ZNRF4: variants seen among roughly 807,000 people sequenced by gnomAD.
ZNRF4 encodes the protein E3 ubiquitin-protein ligase ZNRF4.
For missense variants in ZNRF4, 569 were observed against 609.4 expected (o/e 0.93, Z 0.70); for synonymous variants, 291 against 285.9 (o/e 1.02, Z -0.18).
Position 5,455,453 on chromosome 19 carries a change from G to A in ZNRF4, c.-39G>A, listed in dbSNP as rs766687006. The stretch of plus-strand genomic sequence containing the variant: ...GTCATCTGCCAGAAAGGCCACCTGC[G>A]CCAGCACCTCCTGAGACCGGCCTTC... On this transcript the variant is annotated 5_prime_UTR_variant, in exon 1 of 1. Coordinates refer to ENST00000222033, the MANE Select transcript of ZNRF4 (RefSeq NM_181710.4). The A allele has an allele frequency of 1.4e-5, 22 of 1,551,696 alleles. 1 individual carries two copies. The highest frequency in any genetic ancestry group is 1.1e-4 in the East Asian group (5 of 44,330).
chr19:5,455,722 C>A lies in ZNRF4; in HGVS notation c.231C>A (p.Gly77=), dbSNP rs2051610837. 3 of 1,606,796 alleles carry A rather than the reference C, an allele frequency of 1.9e-6. No individual in the cohort carries two copies. The East Asian group carries it at 6.7e-5, about 36-fold the overall frequency. ...KRVTMGWPRP[G]RALVAVKALL... ...TGACCATGGGGTGGCCACGGCCGGG[C>A]CGAGCCCTCGTGGCAGTCAAAGCCT... The change falls in exon 1 of 1, where the codon GGC becomes GGA. Residue 77 remains glycine, a synonymous_variant. Coordinates refer to ENST00000222033, the MANE Select transcript of ZNRF4 (RefSeq NM_181710.4).
rs375127837 is a variant in ZNRF4, at chr19:5,455,505, G to A, written c.14G>A (p.Arg5His). 1.5e-5 allele frequency: 24 copies of A among 1,608,466 alleles called. No homozygotes were observed. The highest frequency in any genetic ancestry group is 1.2e-4 in the African/African-American group (9 of 75,016). The change falls in exon 1 of 1, where the codon CGT becomes CAT. Residue 5 changes from arginine (R) to histidine (H), a missense_variant. By Grantham distance (29) the Arg-to-His change is conservative. Transcript: ENST00000222033. MPLC[R>H]PEHLMPRASR... ...AAGACACGACGCATGCCGCTCTGCC[G>A]TCCGGAGCACTTAATGCCTAGAGCC...
At position 5,455,829 on chromosome 19, in the gene ZNRF4, T is replaced by C. The variant is rs775630887; in HGVS notation, c.338T>C (p.Phe113Ser). 5.6e-6 allele frequency: 9 copies of C among 1,604,164 alleles called. No homozygotes were observed. Among genetic ancestry groups the C allele is most frequent in the East Asian group, 4.5e-5 (2 of 44,856 alleles). Residue 113 changes from phenylalanine (F) to serine (S), a missense_variant, in exon 1 of 1, where the codon TTT becomes TCT. Phe to Ser is a radical substitution (Grantham distance 155). Transcript: ENST00000222033. ...VLEDNSSSVD[F>S]ADLPALFGVP... ...GAAGACAACTCGAGCTCGGTGGACT[T>C]TGCGGATCTGCCGGCGCTGTTCGGC...
In ZNRF4 at chr19:5,455,928, A is replaced by G. The variant is rs368497721; in HGVS notation, c.437A>G (p.Glu146Gly). 4.4e-5 allele frequency: 70 copies of G among 1,600,924 alleles called. No homozygotes were observed. The African/African-American group carries it at 8.1e-4, about 19-fold the overall frequency. The change falls in exon 1 of 1, where the codon GAG becomes GGG. Residue 146 changes from glutamate (E) to glycine (G), a missense_variant. Coordinates refer to ENST00000222033, the MANE Select transcript of ZNRF4 (RefSeq NM_181710.4). ...CCAGCCAACGCGTGCCATCCCATCG[A>G]GGCCCCGCGACTGGGCAACCGCTCT... ...VKPANACHPIEAPRLGNRSLG... is the reference protein window; with the variant it reads ...VKPANACHPIGAPRLGNRSLG...
chr19:5,456,737 T>C lies in ZNRF4; in HGVS notation c.1246T>C (p.Tyr416His). 6.3e-7 allele frequency: 1 copy of C among 1,593,796 alleles called. No homozygotes were observed. Residue 416 changes from tyrosine (Y) to histidine (H), a missense_variant, in exon 1 of 1, where the codon TAT becomes CAT. Transcript: ENST00000222033. ...HCSTTSLEAEYTTVSSAPPEA... is the reference protein window; with the variant it reads ...HCSTTSLEAEHTTVSSAPPEA... ...CAGCACCACGTCCCTGGAGGCAGAG[T>C]ATACCACTGTCTCCTCAGCCCCTCC...
rs754163190 is a variant in ZNRF4 at position 5,455,548 on chromosome 19, C to T, written c.57C>T (p.Ala19=). The T allele has an allele frequency of 6.8e-6, 11 of 1,612,744 alleles. No homozygotes were observed. Among genetic ancestry groups the T allele is most frequent in the Non-Finnish European group, 9.3e-6 (11 of 1,179,976 alleles). ...CTAGAGCCAGCAGGGTCCCAGTGGCCGCGTCACTGCCTCTGAGCCACGCGG... is the reference window on the plus strand; with the variant it reads ...CTAGAGCCAGCAGGGTCCCAGTGGCTGCGTCACTGCCTCTGAGCCACGCGG... ...LMPRASRVPV[A]ASLPLSHAVI... is the part of the protein sequence containing the mutation. Residue 19 remains alanine (A), a synonymous_variant, in exon 1 of 1, where the codon GCC becomes GCT. Transcript: ENST00000222033.
rs201511283 is a variant in ZNRF4, at chr19:5,455,688, C to T, written c.197C>T (p.Ala66Val). The change falls in exon 1 of 1, where the codon GCG becomes GTG. Residue 66 changes from alanine to valine, a missense_variant. Transcript: ENST00000222033. Reference protein sequence around the residue: ...PPVGPSSTQTAKRVTMGWPRP... With the variant: ...PPVGPSSTQTVKRVTMGWPRP... ...GTGGGACCTAGCAGCACACAGACAG[C>T]GAAGCGGGTGACCATGGGGTGGCCA... 81 of 1,609,048 alleles carry T rather than the reference C, an allele frequency of 5.0e-5. No individual in the cohort carries two copies. Among genetic ancestry groups the T allele is most frequent in the Middle Eastern group, 1.6e-4 (1 of 6,062 alleles).
Position 5,456,363 on chromosome 19 carries a change from C to G in ZNRF4, c.872C>G (p.Thr291Arg), listed in dbSNP as rs774500261. The G allele has an allele frequency of 3.1e-6, 5 of 1,613,460 alleles. No individual in the cohort carries two copies. In the South Asian group the frequency reaches 5.5e-5, roughly 18 times the overall value. Residue 291 changes from threonine to arginine, a missense_variant, in exon 1 of 1, where the codon ACG (threonine) becomes AGG (arginine). Physicochemically the swap from Thr to Arg is moderately conservative, Grantham distance 71. Transcript: ENST00000222033. ...TGCAGCCACAGACGGCCGGTGAAGA[C>G]GTCTACCTGCCAGAAGGCCCAGGTC... ...ACCSHRRPVK[T>R]STCQKAQVRT...
Position 5,455,624 on chromosome 19 carries a change from C to A in ZNRF4, c.133C>A (p.Pro45Thr), listed in dbSNP as rs1338567581. Reference protein sequence around the residue: ...SRPGHRPPGRPRRCPKASCLP... With the variant: ...SRPGHRPPGRTRRCPKASCLP... ...TCCTGGCCACAGGCCCCCTGGGAGA[C>A]CCCGGAGATGCCCAAAGGCCTCATG... is the stretch of plus-strand genomic sequence containing the variant. The change falls in exon 1 of 1, where the codon CCC (proline) becomes ACC (threonine). Residue 45 changes from proline (P) to threonine (T), a missense_variant. By Grantham distance (38) the Pro-to-Thr change is conservative (BLOSUM62 -1). Transcript: ENST00000222033. The A allele has an allele frequency of 6.2e-7, 1 of 1,610,840 alleles. No individual in the cohort carries two copies. Among genetic ancestry groups the A allele is most frequent in the Non-Finnish European group, 8.5e-7 (1 of 1,179,964 alleles).
In ZNRF4 at chr19:5,456,190, C is replaced by T. The variant is rs200409035; in HGVS notation, c.699C>T (p.His233=). 24 of 1,609,046 alleles carry T rather than the reference C, an allele frequency of 1.5e-5. No individual in the cohort carries two copies. Among genetic ancestry groups the T allele is most frequent in the East Asian group, 6.7e-5 (3 of 44,862 alleles). The part of the protein sequence containing the change: ...RVILGCNKSA[H]ALLLPDDPPC... ...TCCTGGGCTGCAACAAGTCGGCCCA[C>T]GCGCTGCTCCTGCCCGACGACCCAC... is the stretch of plus-strand genomic sequence containing the variant. Residue 233 remains histidine (H), a synonymous_variant, in exon 1 of 1, where the codon CAC becomes CAT. Coordinates refer to ENST00000222033, the MANE Select transcript of ZNRF4 (RefSeq NM_181710.4).
At position 5,455,619 on chromosome 19, in the gene ZNRF4, G is replaced by C; in HGVS notation, c.128G>C (p.Gly43Ala). Residue 43 changes from glycine (G) to alanine (A), a missense_variant, in exon 1 of 1, where the codon GGG (glycine) becomes GCG (alanine). Transcript: ENST00000222033. The stretch of plus-strand genomic sequence containing the variant: ...TCGCGTCCTGGCCACAGGCCCCCTG[G>C]GAGACCCCGGAGATGCCCAAAGGCC... ...LPSRPGHRPP[G>A]RPRRCPKASC... is the part of the protein sequence containing the mutation. 9 of 1,610,954 alleles carry C rather than the reference G, an allele frequency of 5.6e-6. No individual in the cohort carries two copies. Among genetic ancestry groups the C allele is most frequent in the Non-Finnish European group, 7.6e-6 (9 of 1,179,990 alleles).
In ZNRF4 at chr19:5,456,840, G is replaced by A; in HGVS notation, c.*59G>A. On this transcript the variant is annotated 3_prime_UTR_variant, in exon 1 of 1. Transcript: ENST00000222033. ...ATGTTTCTGGTCTGAAAAGAATAAAGTGGGTTTGAAAGCGGATTCTCAGCC... is the reference window on the plus strand; with the variant it reads ...ATGTTTCTGGTCTGAAAAGAATAAAATGGGTTTGAAAGCGGATTCTCAGCC... 2 of 1,452,218 alleles carry A rather than the reference G, an allele frequency of 1.4e-6. No homozygotes were observed. The highest frequency in any genetic ancestry group is 1.8e-6 in the Non-Finnish European group (2 of 1,096,248). The allele number at this position is 1,452,218 out of a possible 1,614,324, so 90.0% of individuals were successfully genotyped here.
At position 5,455,437 on chromosome 19, in the gene ZNRF4, C is replaced by T; in HGVS notation, c.-55C>T. The T allele has an allele frequency of 6.6e-7, 1 of 1,525,684 alleles. No homozygotes were observed. The highest frequency in any genetic ancestry group is 8.8e-7 in the Non-Finnish European group (1 of 1,136,162). The allele number at this position is 1,525,684 out of a possible 1,614,324, so 94.5% of individuals were successfully genotyped here. ...GACTCCTGGTCTCCATGTCATCTGC[C>T]AGAAAGGCCACCTGCGCCAGCACCT... On this transcript the variant is annotated 5_prime_UTR_variant, in exon 1 of 1. Coordinates refer to ENST00000222033, the MANE Select transcript of ZNRF4 (RefSeq NM_181710.4).
At position 5,455,601 on chromosome 19, in the gene ZNRF4, C is replaced by G. The variant is rs756035096; in HGVS notation, c.110C>G (p.Pro37Arg). The change falls in exon 1 of 1, where the codon CCT becomes CGT. Residue 37 changes from proline (P) to arginine (R), a missense_variant. Pro to Arg is a moderately radical substitution (Grantham distance 103). Coordinates refer to ENST00000222033, the MANE Select transcript of ZNRF4 (RefSeq NM_181710.4). ...AVIPTQLPSR[P>R]GHRPPGRPRR... is the part of the protein sequence containing the mutation. ...ATTCCAACTCAACTGCCCTCGCGTC[C>G]TGGCCACAGGCCCCCTGGGAGACCC... The G allele has an allele frequency of 5.6e-6, 9 of 1,611,398 alleles. No individual in the cohort carries two copies. In the East Asian group the frequency reaches 1.3e-4, roughly 24 times the overall value.
Position 5,455,796 on chromosome 19 carries a change from C to T in ZNRF4, c.305C>T (p.Ala102Val). ...LQVPAQAVVR[A>V]VLEDNSSSVD... ...GTGCCCGCGCAGGCAGTGGTACGGG[C>T]CGTGCTGGAAGACAACTCGAGCTCG... Residue 102 changes from alanine to valine, a missense_variant, in exon 1 of 1, where the codon GCC becomes GTC. Physicochemically the swap from Ala to Val is moderately conservative, Grantham distance 64 (BLOSUM62 0). Transcript: ENST00000222033. 1 of 1,603,964 alleles carries T rather than the reference C, an allele frequency of 6.2e-7. No individual in the cohort carries two copies.
Position 5,455,590 on chromosome 19 carries a change from GC to G in ZNRF4, c.102del (p.Ser35ArgfsTer35). ...GCCACGCGGTCATTCCAACTCAACT[GC>G]CCTCGCGTCCTGGCCACAGGCCCCC... is the stretch of plus-strand genomic sequence containing the variant. ...LSHAVIPTQL[P>X]SRPGHRPPGR... On this transcript the variant is annotated frameshift_variant, in exon 1 of 1. Coordinates refer to ENST00000222033, the MANE Select transcript of ZNRF4 (RefSeq NM_181710.4). LOFTEE classifies it low-confidence loss of function (END_TRUNC). The G allele has an allele frequency of 6.2e-7, 1 of 1,612,210 alleles. No homozygotes were observed.
In ZNRF4 at chr19:5,455,644, C is replaced by G. The variant is rs765324753; in HGVS notation, c.153C>G (p.Ala51=). The change falls in exon 1 of 1, where the codon GCC becomes GCG. Residue 51 remains alanine (A), a synonymous_variant. Transcript: ENST00000222033. ...GGAGACCCCGGAGATGCCCAAAGGC[C>G]TCATGCCTGCCGCCTCCAGTGGGAC... The part of the protein sequence containing the change: ...PPGRPRRCPK[A]SCLPPPVGPS... 5 of 1,610,540 alleles carry G rather than the reference C, an allele frequency of 3.1e-6. No homozygotes were observed. The highest frequency in any genetic ancestry group is 4.2e-6 in the Non-Finnish European group (5 of 1,179,982).
At position 5,455,506 on chromosome 19, in the gene ZNRF4, T is replaced by G; in HGVS notation, c.15T>G (p.Arg5=). ...AGACACGACGCATGCCGCTCTGCCGTCCGGAGCACTTAATGCCTAGAGCCA... is the reference window on the plus strand; with the variant it reads ...AGACACGACGCATGCCGCTCTGCCGGCCGGAGCACTTAATGCCTAGAGCCA... The part of the protein sequence containing the change: MPLC[R]PEHLMPRASR... Residue 5 remains arginine (R), a synonymous_variant, in exon 1 of 1, where the codon CGT becomes CGG. Coordinates refer to ENST00000222033, the MANE Select transcript of ZNRF4 (RefSeq NM_181710.4). 1 of 1,609,374 alleles carries G rather than the reference T, an allele frequency of 6.2e-7. No homozygotes were observed. The highest frequency in any genetic ancestry group is 8.5e-7 in the Non-Finnish European group (1 of 1,178,098).
In ZNRF4 at chr19:5,455,539, C is replaced by A. The variant is rs764239728; in HGVS notation, c.48C>A (p.Val16=). 1 of 1,612,774 alleles carries A rather than the reference C, an allele frequency of 6.2e-7. No individual in the cohort carries two copies. Among genetic ancestry groups the A allele is most frequent in the South Asian group, 1.1e-5 (1 of 91,044 alleles). Residue 16 remains valine, a synonymous_variant, in exon 1 of 1, where the codon GTC becomes GTA. Transcript: ENST00000222033. ...ACTTAATGCCTAGAGCCAGCAGGGTCCCAGTGGCCGCGTCACTGCCTCTGA... is the reference window on the plus strand; with the variant it reads ...ACTTAATGCCTAGAGCCAGCAGGGTACCAGTGGCCGCGTCACTGCCTCTGA... ...PEHLMPRASR[V]PVAASLPLSH...
Sources: allele counts gnomAD v4.1 joint callset, GRCh38; gene constraint gnomAD v4.1.1; transcripts MANE v1.5; gene names NCBI Gene and HGNC (gene_info 2026-07-23, HGNC 2026-07-21).